The following ZNF484 variants were observed in gnomAD, a reference collection of about 807,000 sequenced individuals.
The protein encoded by ZNF484 is KRAB box containing C2H2 type zinc finger bA526D8.4.
ZNF484 carries 11 observed loss-of-function variants against 12.9 expected under a neutral mutation model. The ratio of observed to expected loss-of-function variants is 0.85; its 90% CI spans 0.54 to 1.41. The LOEUF (loss-of-function observed/expected upper bound fraction) is 1.41, where lower values mean the gene tolerates loss of function less well. ZNF484 is among the 40% of genes most tolerant of loss of function. The pLI is 0.00. For synonymous variants in ZNF484, 289 were observed against 334.1 expected (o/e 0.86, Z 1.47); for missense variants, 807 against 1,007.7 (o/e 0.80, Z 2.70).
chr9:92,846,939 G>A lies in ZNF484; in HGVS notation c.1848C>T (p.Ser616=). 1 of 1,612,996 alleles carries A rather than the reference G, an allele frequency of 6.2e-7. No homozygotes were observed. Among genetic ancestry groups the A allele is most frequent in the Non-Finnish European group, 8.5e-7 (1 of 1,179,654 alleles). The change falls in exon 5 of 5, where the codon TCC becomes TCT. Residue 616 remains serine (S), a synonymous_variant. Coordinates refer to ENST00000375495, the MANE Select transcript of ZNF484 (RefSeq NM_031486.4). ...KPYECSICGK[S]FTKKSQLHVH... ...CGTGGAGCTGTGATTTCTTAGTGAA[G>A]GATTTCCCACAAATACTGCATTCAT... is the stretch of plus-strand genomic sequence containing the variant.
chr9:92,875,197 C>A, intron 1 of ZNF484, 138 bp from the exon 2 acceptor site: 1 of 637,358 alleles, frequency 1.6e-6, no homozygotes, highest in Non-Finnish European at 2.7e-6. Context: ...AATATCATCC[C>A]ATCCCATATT....
intron 4 of ZNF484, 21 bp downstream of exon 4, chr9:92,855,790 T>C: frequency 1.2e-6 from 2 of 1,610,470 alleles, no homozygotes; most frequent in South Asian, 1.1e-5. Flanking sequence ...CTGTCTACCA[T>C]GCTCTTGGTT....
intron 1 of ZNF484, among the ~76,000 whole-genome samples, chr9:92,876,134 T>G (rs1857794915): frequency 6.6e-6 from 1 of 152,046 alleles, no homozygotes; most frequent in Non-Finnish European, 1.5e-5. Flanking sequence ...GCAAAAGATA[T>G]ATAATTATAA....
intron 4 of ZNF484, among the ~76,000 whole-genome samples, chr9:92,853,843 A>G (rs1856260157): frequency 6.6e-6 from 1 of 152,184 alleles, no homozygotes; most frequent in Non-Finnish European, 1.5e-5. Context: ...CCCACCCCAA[A>G]CTTGGTTCAG....
chr9:92,850,055 C>A (rs1213884685), intron 4 of ZNF484, among the ~76,000 whole-genome samples: 1 of 152,196 alleles, frequency 6.6e-6, no homozygotes, highest in Non-Finnish European at 1.5e-5. Context: ...TCCGCCTCGG[C>A]CTCCCAAAAT....
intron 2 of ZNF484, among the ~76,000 whole-genome samples, chr9:92,864,430 C>T (rs1485202337): frequency 1.3e-5 from 2 of 151,770 alleles, no homozygotes; most frequent in African/African-American, 4.8e-5. Context: ...ATGAGAATGA[C>T]ATAGAGAACA....
chr9:92,847,391 T>A lies in ZNF484; in HGVS notation c.1396A>T (p.Asn466Tyr). 1 of 1,613,972 alleles carries A rather than the reference T, an allele frequency of 6.2e-7. No homozygotes were observed. The highest frequency in any genetic ancestry group is 8.5e-7 in the Non-Finnish European group (1 of 1,179,996). ...CCACATTCTGAACATATAAAGGGAT[T>A]CTCTCCTGTGTGAATTCGCTGATGC... ...HVHQRIHTGENPFICSECGKV... is the reference protein window; with the variant it reads ...HVHQRIHTGEYPFICSECGKV... Residue 466 changes from asparagine to tyrosine, a missense_variant, in exon 5 of 5, where the codon AAT (asparagine) becomes TAT (tyrosine). Physicochemically the swap from Asn to Tyr is moderately radical, Grantham distance 143 (BLOSUM62 -2). Coordinates refer to ENST00000375495, the MANE Select transcript of ZNF484 (RefSeq NM_031486.4).
intron 4 of ZNF484, among the ~76,000 whole-genome samples, chr9:92,851,284 C>G (rs1037067535): frequency 1.3e-5 from 2 of 152,136 alleles, no homozygotes; most frequent in African/African-American, 4.8e-5. Context: ...GCCCTTGGGC[C>G]AAATCCAGGC....
intron 4 of ZNF484, among the ~76,000 whole-genome samples, chr9:92,851,381 T>C (rs1856066388): frequency 6.6e-6 from 1 of 152,218 alleles, no homozygotes; most frequent in Non-Finnish European, 1.5e-5. Flanking sequence ...ATATGAAAAT[T>C]ATATGAAATT....
intron 1 of ZNF484, 132 bp downstream of exon 1, chr9:92,877,758 T>C (rs1857923167): frequency 6.2e-5 from 95 of 1,533,356 alleles, no homozygotes; most frequent in Non-Finnish European, 7.9e-5. Flanking sequence ...CTCCCTCAGA[T>C]CCACCATCAG....
intron 2 of ZNF484, among the ~76,000 whole-genome samples, chr9:92,862,448 G>A (rs1338500999): frequency 6.6e-6 from 1 of 152,052 alleles, no homozygotes; most frequent in African/African-American, 2.4e-5. Context: ...GTTCTGTAGA[G>A]TTGATGAAAC....
intron 2 of ZNF484, among the ~76,000 whole-genome samples, chr9:92,869,608 A>C (rs1857312733): frequency 6.6e-6 from 1 of 152,228 alleles, no homozygotes. Flanking sequence ...TGGAGGGTAC[A>C]TGAGAAATGT....
At position 92,849,298 on chromosome 9, in the gene ZNF484, A is replaced by T. The variant is rs991654227; in HGVS notation, c.236-747T>A. On this transcript the variant is annotated intron_variant, in intron 4 of 4. Transcript: ENST00000375495. ...GAGTTGATTCAAGGCAGACACAGAG[A>T]TATGAGAGAGACTATATAAATATAA... 2.6e-5 allele frequency among the ~76,000 whole-genome samples: 4 copies of T among 152,144 alleles called. No homozygotes were observed. In the East Asian group the frequency reaches 7.7e-4, roughly 29 times the overall value.
chr9:92,849,746 G>A (rs1253659598), intron 4 of ZNF484, among the ~76,000 whole-genome samples: 1 of 151,608 alleles, frequency 6.6e-6, no homozygotes, highest in Non-Finnish European at 1.5e-5. Context: ...AGCTCTGATC[G>A]CACCATTACA....
chr9:92,846,081 A>C lies in ZNF484; in HGVS notation c.*147T>G. The C allele has an allele frequency of 1.3e-6, 1 of 767,064 alleles. No individual in the cohort carries two copies. Among genetic ancestry groups the C allele is most frequent in the East Asian group, 2.7e-5 (1 of 37,326 alleles). 47.5% of individuals were successfully genotyped at this position (767,064 alleles called of 1,614,324 possible). A position where few individuals can be genotyped will look rare whatever the true frequency, so the allele number is the denominator to read the frequency against. On this transcript the variant is annotated 3_prime_UTR_variant, in exon 5 of 5. Coordinates refer to ENST00000375495, the MANE Select transcript of ZNF484 (RefSeq NM_031486.4). ...GAAAGACTGCCAATCATCTCCTTGC[A>C]CATTTACTATTATTTGCAGGAGCTT...
chr9:92,874,886 A>T (rs989948991), intron 2 of ZNF484, 129 bp downstream of exon 2: 45 of 910,516 alleles, frequency 4.9e-5, no homozygotes, highest in Non-Finnish European at 6.6e-5. Flanking sequence ...TCTCTTCTTC[A>T]TTTTATCTGA....
At position 92,874,997 on chromosome 9, in the gene ZNF484, G is replaced by A; in HGVS notation, c.15+18C>T. 6.2e-7 allele frequency: 1 copy of A among 1,612,670 alleles called. No homozygotes were observed. The highest frequency in any genetic ancestry group is 8.5e-7 in the Non-Finnish European group (1 of 1,179,402). ...AAAAGAAAGCAACAAATAAACAGAT[G>A]AACAAATAAGAACTCACCAGGGACT... On this transcript the variant is annotated intron_variant, in intron 2 of 4. Coordinates refer to ENST00000375495, the MANE Select transcript of ZNF484 (RefSeq NM_031486.4).
At chr9:92,860,310 A>G (rs185233942) in intron 2 of ZNF484, among the ~76,000 whole-genome samples, 1 of 152,248 alleles carries the variant, frequency 6.6e-6, no homozygotes, top group African/African-American at 2.4e-5. Flanking sequence ...ACTGCACAAC[A>G]ATATACTTGA....
Position 92,846,731 on chromosome 9 carries a change from G to C in ZNF484, c.2056C>G (p.His686Asp). The C allele has an allele frequency of 6.2e-7, 1 of 1,614,038 alleles. No homozygotes were observed. The highest frequency in any genetic ancestry group is 8.5e-7 in the Non-Finnish European group (1 of 1,179,984). The stretch of plus-strand genomic sequence containing the variant: ...CACTCATAATGCCTTTCTCCAGTAT[G>C]GGATTGCTGATGTATATGGAGACCT... ...KSGLHIHQQS[H>D]TGERHYECSE... is the part of the protein sequence containing the mutation. Residue 686 changes from histidine (H) to aspartate (D), a missense_variant, in exon 5 of 5, where the codon CAT becomes GAT. His to Asp is a moderately conservative substitution (Grantham distance 81). Transcript: ENST00000375495.
Sources: gnomAD v4.1 joint callset for allele counts (sites outside exome capture counted in the v4.1 genomes callset) on GRCh38, gnomAD v4.1.1 for gene constraint, MANE v1.5 for transcripts, NCBI Gene and HGNC (gene_info 2026-07-23, HGNC 2026-07-21) for gene names.